Variants in PCCA observed in about 807,000 individuals in gnomAD.
The protein encoded by PCCA is propionyl-CoA carboxylase subunit alpha, also known as propionyl-CoA carboxylase alpha chain, mitochondrial.
A neutral mutation model predicts 101.3 loss-of-function variants in PCCA; 74 were observed. The observed-to-expected ratio is 0.73, with a 90% CI of 0.61 to 0.89. The LOEUF (loss-of-function observed/expected upper bound fraction) is 0.89, where lower values mean the gene tolerates loss of function less well. Among genes scored for constraint, PCCA ranks in the 40% least tolerant of loss-of-function variants. PCCA has a pLI of 0.00. For synonymous variants in PCCA, 294 were observed against 313.6 expected (o/e 0.94, Z 0.66); for missense variants, 891 against 907.0 (o/e 0.98, Z 0.23).
At chr13:100,120,331 G>A (rs764853474) in intron 4 of PCCA, among the ~76,000 whole-genome samples, 38 of 152,032 alleles carry the variant, frequency 2.5e-4, no homozygotes, top group Non-Finnish European at 3.8e-4. Context: ...TGCACATGCC[G>A]TTGTGCCCTG....
chr13:100,351,877 G>A (rs1015661320), intron 18 of PCCA, among the ~76,000 whole-genome samples: 7 of 152,108 alleles, frequency 4.6e-5, no homozygotes, highest in African/African-American at 1.7e-4. Context: ...TTTGTTCTGT[G>A]AATAAATCCT....
chr13:100,226,692 T>A (rs558839183), intron 7 of PCCA, among the ~76,000 whole-genome samples: 32 of 152,290 alleles, frequency 2.1e-4, no homozygotes, highest in Non-Finnish European at 4.0e-4. Flanking sequence ...TTATCTAGGT[T>A]CAGAAGATGA....
chr13:100,506,161 G>A (rs937493837), intron 21 of PCCA, among the ~76,000 whole-genome samples: 2 of 152,022 alleles, frequency 1.3e-5, no homozygotes, highest in African/African-American at 4.8e-5. Context: ...CTGCCAGGAC[G>A]GGGGCCACAT....
At chr13:100,245,128 A>C (rs773370001) in intron 8 of PCCA, among the ~76,000 whole-genome samples, 2 of 152,188 alleles carry the variant, frequency 1.3e-5, no homozygotes, top group Non-Finnish European at 2.9e-5. Context: ...ATAATGATGA[A>C]ACTAAATATA....
chr13:100,098,580 G>T (rs556512883), intron 1 of PCCA, among the ~76,000 whole-genome samples: 7 of 152,294 alleles, frequency 4.6e-5, no homozygotes, highest in African/African-American at 1.7e-4. Flanking sequence ...GAGGGTGCAG[G>T]TGTGAGCCGT....
chr13:100,275,515 G>A (rs927696460), intron 12 of PCCA, among the ~76,000 whole-genome samples: 1 of 152,118 alleles, frequency 6.6e-6, no homozygotes, highest in African/African-American at 2.4e-5. Context: ...GACAGTTCAC[G>A]TGTGCCTCTG....
intron 6 of PCCA, 31 bp from the exon 7 acceptor site, chr13:100,209,301 G>T: frequency 6.2e-7 from 1 of 1,603,922 alleles, no homozygotes; most frequent in Admixed American, 1.7e-5. Context: ...TAATGTTCTT[G>T]TTATAAATTT....
chr13:100,344,386 G>A (rs1339258872), intron 18 of PCCA, among the ~76,000 whole-genome samples: 1 of 152,162 alleles, frequency 6.6e-6, no homozygotes, highest in Non-Finnish European at 1.5e-5. Flanking sequence ...ATCCTTGACA[G>A]GCATAATTGT....
intron 8 of PCCA, among the ~76,000 whole-genome samples, chr13:100,241,177 A>C (rs1006349135): frequency 6.6e-6 from 1 of 152,196 alleles, no homozygotes; most frequent in Admixed American, 6.5e-5. Context: ...TGTAACTGTA[A>C]TCACTATCTA....
chr13:100,112,104 G>T, intron 4 of PCCA, 43 bp downstream of exon 4: 11 of 1,450,322 alleles, frequency 7.6e-6, no homozygotes, highest in Non-Finnish European at 9.7e-6. Flanking sequence ...CTTAATTTTG[G>T]GTCAAGCAGA....
At chr13:100,120,633 G>A (rs2049278863) in intron 4 of PCCA, among the ~76,000 whole-genome samples, 1 of 152,102 alleles carries the variant, frequency 6.6e-6, no homozygotes, top group Admixed American at 6.5e-5. Context: ...CTGAATCCAG[G>A]GGATGAGGCT....
chr13:100,248,313 G>C (rs1278783202), intron 8 of PCCA, among the ~76,000 whole-genome samples: 1 of 151,860 alleles, frequency 6.6e-6, no homozygotes, highest in Non-Finnish European at 1.5e-5. Context: ...TAAAAAAAAT[G>C]TCTCTTGTTC....
chr13:100,208,394 T>G (rs1410805063), intron 6 of PCCA, among the ~76,000 whole-genome samples: 1 of 152,158 alleles, frequency 6.6e-6, no homozygotes. Flanking sequence ...TATACAAATA[T>G]GCAGTTTATT....
chr13:100,525,543 C>G (rs1035660473), intron 22 of PCCA, among the ~76,000 whole-genome samples: 1 of 152,250 alleles, frequency 6.6e-6, no homozygotes, highest in Non-Finnish European at 1.5e-5. Flanking sequence ...TTGCCCCTAG[C>G]GTGACCTTGG....
At chr13:100,177,403 A>C (rs111989500) in intron 6 of PCCA, among the ~76,000 whole-genome samples, 238 of 152,334 alleles carry the variant, frequency 1.6e-3, no homozygotes, top group African/African-American at 5.5e-3. Context: ...TTGCATAATG[A>C]AAATTTTACT....
At chr13:100,159,118 T>TA (rs2054183023) in intron 6 of PCCA, among the ~76,000 whole-genome samples, 1 of 112,762 alleles carries the variant, frequency 8.9e-6, no homozygotes, top group Non-Finnish European at 1.7e-5. Context: ...TTTTGAGACA[T>TA]AGCCTTGCTC....
rs148957426 is a variant in PCCA, at chr13:100,429,305, C to T, written c.1845+3574C>T. ...CTTAACACCTCCAAGCAGATAGCTA[C>T]GAAATGCAATTATAAGTGTTTGTGT... On this transcript the variant is annotated intron_variant, in intron 20 of 23. Transcript: ENST00000376285. 1.1e-4 allele frequency among the ~76,000 whole-genome samples: 17 copies of T among 151,802 alleles called. No individual in the cohort carries two copies. In the East Asian group the frequency reaches 1.2e-3, roughly 10 times the overall value.
intron 21 of PCCA, among the ~76,000 whole-genome samples, chr13:100,485,897 C>G (rs958328060): frequency 6.6e-6 from 1 of 152,206 alleles, no homozygotes; most frequent in Non-Finnish European, 1.5e-5. Flanking sequence ...GCAGGGCTCT[C>G]TAAGAACAAA....
chr13:100,406,264 C>T (rs1417752055), intron 19 of PCCA, among the ~76,000 whole-genome samples: 1 of 152,216 alleles, frequency 6.6e-6, no homozygotes, highest in African/African-American at 2.4e-5. Flanking sequence ...ATTCTTACTA[C>T]ACTGATGCAA....
Sources: gnomAD v4.1 joint callset for allele counts (sites outside exome capture counted in the v4.1 genomes callset) on GRCh38, gnomAD v4.1.1 for gene constraint, MANE v1.5 for transcripts, NCBI Gene and HGNC (gene_info 2026-07-23, HGNC 2026-07-21) for gene names.